MYCBP2: variants seen among roughly 807,000 people sequenced by gnomAD.
MYCBP2 encodes MYC binding protein 2, also known as E3 ubiquitin-protein ligase MYCBP2.
MYCBP2 carries 120 observed loss-of-function variants against 525.3 expected under a neutral mutation model. That is an observed-to-expected ratio of 0.23 (90% CI 0.20 to 0.27). The LOEUF (loss-of-function observed/expected upper bound fraction) is 0.27. Ranked by LOEUF, MYCBP2 falls within the 10% of genes least tolerant of loss-of-function variation. MYCBP2 has a pLI of 1.00. For synonymous variants in MYCBP2, 1,894 were observed against 1,955.8 expected, an observed-to-expected ratio of 0.97 and a Z score of 0.83; for missense variants, 4,149 against 5,657.1, an observed-to-expected ratio of 0.73 and a Z score of 8.55.
chr13:77,247,878 T>G (rs2070333466), intron 15 of MYCBP2, among the ~76,000 whole-genome samples: 1 of 151,684 alleles, frequency 6.6e-6, no homozygotes, highest in South Asian at 2.1e-4. Flanking sequence ...TAGCAGCATA[T>G]ACAAAAATTA....
intron 53 of MYCBP2, 44 bp downstream of exon 53, chr13:77,126,274 A>ACTTCT (rs1566626037): frequency 6.5e-7 from 1 of 1,535,166 alleles, no homozygotes; most frequent in Non-Finnish European, 9.0e-7. Context: ...GTATTACATT[A>ACTTCT]AAAATGAGTA....
At chr13:77,052,631 G>A (rs536137455) in intron 80 of MYCBP2, among the ~76,000 whole-genome samples, 11 of 152,082 alleles carry the variant, frequency 7.2e-5, no homozygotes, top group African/African-American at 2.4e-4. Context: ...CTTTTTTCAG[G>A]GTAAAGTTTG....
rs372770016 is a variant in MYCBP2 at position 77,088,821 on chromosome 13, T to C, written c.10725+11A>G. On this transcript the variant is annotated intron_variant, in intron 61 of 82. Transcript: ENST00000544440. Reference sequence around the variant, plus strand: ...ATCAATGAATCAGTAATTTCATTAATGTCTTCATACCTCCATAGCAAAAAC... The same window carrying C: ...ATCAATGAATCAGTAATTTCATTAACGTCTTCATACCTCCATAGCAAAAAC... 9.4e-6 allele frequency: 15 copies of C among 1,595,026 alleles called. No individual in the cohort carries two copies. The highest frequency in any genetic ancestry group is 1.1e-5 in the Non-Finnish European group (13 of 1,166,122).
At chr13:77,133,130 A>G (rs1380499290) in intron 52 of MYCBP2, among the ~76,000 whole-genome samples, 3 of 152,160 alleles carry the variant, frequency 2.0e-5, no homozygotes, top group African/African-American at 7.2e-5. Context: ...TCTCCACTAG[A>G]TTAATGCATA....
intron 1 of MYCBP2, among the ~76,000 whole-genome samples, chr13:77,301,592 T>TC (rs1244126318): frequency 1.3e-5 from 2 of 152,028 alleles, no homozygotes; most frequent in African/African-American, 2.4e-5. Flanking sequence ...AGAGCACACC[T>TC]CTCTAGGAGA....
In MYCBP2 at chr13:77,212,123, T is replaced by C; in HGVS notation, c.3095A>G (p.Tyr1032Cys). 6.2e-7 allele frequency: 1 copy of C among 1,614,116 alleles called. No homozygotes were observed. The highest frequency in any genetic ancestry group is 2.2e-5 in the East Asian group (1 of 44,854). Residue 1032 changes from tyrosine to cysteine, a missense_variant, in exon 22 of 83, where the codon TAT becomes TGT. Around this residue, in one of 21 missense-constraint regions of MYCBP2, gnomAD observed 620 missense variants for 795.5 expected, o/e 0.78. Transcript: ENST00000544440. ...QLGRPILDVP[Y>C]WNAKPAPMPN... ...CATGGGAGCTGGCTTTGCATTCCAA[T>C]ATGGCACATCCAAAATTGGTCTGCC...
intron 2 of MYCBP2, among the ~76,000 whole-genome samples, chr13:77,291,881 T>C (rs535014763): frequency 5.1e-4 from 77 of 152,340 alleles, no homozygotes; most frequent in Non-Finnish European, 7.9e-4. Flanking sequence ...GAAACCATGA[T>C]TGACCCTTGG....
chr13:77,125,247 ACT>A, intron 54 of MYCBP2, 87 bp downstream of exon 54: 1 of 1,474,636 alleles, frequency 6.8e-7, no homozygotes, highest in African/African-American at 1.4e-5. Context: ...CACACAAAAA[ACT>A]CTTTAAAACA....
chr13:77,177,681 T>C (rs2059842794), intron 35 of MYCBP2, 67 bp downstream of exon 35: 2 of 1,309,922 alleles, frequency 1.5e-6, no homozygotes, highest in Non-Finnish European at 1.1e-6. Flanking sequence ...CTGAACATAC[T>C]ATGACAATGG....
At chr13:77,061,629 C>A in intron 75 of MYCBP2, 33 bp downstream of exon 75, 1 of 1,600,106 alleles carries the variant, frequency 6.2e-7, no homozygotes, top group South Asian at 1.1e-5. Context: ...ATTCACTGAA[C>A]ATATTTTATG....
At chr13:77,295,321 A>G (rs1258217508) in intron 2 of MYCBP2, among the ~76,000 whole-genome samples, 1 of 152,070 alleles carries the variant, frequency 6.6e-6, no homozygotes, top group Non-Finnish European at 1.5e-5. Flanking sequence ...TTTCGTAGAG[A>G]CAGGGTTTCA....
At chr13:77,110,685 G>A (rs1030442949) in intron 55 of MYCBP2, among the ~76,000 whole-genome samples, 4 of 152,246 alleles carry the variant, frequency 2.6e-5, no homozygotes, top group South Asian at 2.1e-4. Flanking sequence ...TGATGTCACC[G>A]CCAGAGGCCC....
intron 20 of MYCBP2, among the ~76,000 whole-genome samples, chr13:77,221,725 T>A (rs981973991): frequency 6.6e-6 from 1 of 152,070 alleles, no homozygotes; most frequent in Non-Finnish European, 1.5e-5. Flanking sequence ...AAATAAACCC[T>A]CTTCTTCTGT....
chr13:77,207,080 T>C (rs2063434738), intron 23 of MYCBP2, among the ~76,000 whole-genome samples: 1 of 152,208 alleles, frequency 6.6e-6, no homozygotes, highest in African/African-American at 2.4e-5. Flanking sequence ...AATACTTGAC[T>C]GTATAAAGTT....
chr13:77,223,555 G>A (rs904887086), intron 20 of MYCBP2, among the ~76,000 whole-genome samples: 1 of 152,166 alleles, frequency 6.6e-6, no homozygotes, highest in Admixed American at 6.5e-5. Flanking sequence ...ACAAGTAAGA[G>A]GGACTTCAAG....
At chr13:77,267,337 A>T (rs1013002081) in intron 8 of MYCBP2, among the ~76,000 whole-genome samples, 11 of 145,134 alleles carry the variant, frequency 7.6e-5, no homozygotes, top group African/African-American at 1.9e-4. Context: ...TGATGAAATT[A>T]AAAAAAAAAA....
intron 2 of MYCBP2, among the ~76,000 whole-genome samples, chr13:77,294,880 C>A (rs2078008253): frequency 6.6e-6 from 1 of 152,174 alleles, no homozygotes; most frequent in South Asian, 2.1e-4. Flanking sequence ...GGGTGCTCAC[C>A]CACTGCCCAT....
At chr13:77,218,425 T>C (rs540235123) in intron 20 of MYCBP2, among the ~76,000 whole-genome samples, 30 of 152,298 alleles carry the variant, frequency 2.0e-4, no homozygotes, top group Admixed American at 1.0e-3. Flanking sequence ...GAATCACAGT[T>C]AATGAGTCAA....
intron 69 of MYCBP2, 104 bp downstream of exon 69, chr13:77,070,527 C>T (rs1240423181): frequency 1.7e-5 from 12 of 698,700 alleles, no homozygotes; most frequent in Non-Finnish European, 2.8e-5. Flanking sequence ...AAAGATTGGA[C>T]ATCCCTGCTT....
Sources: gnomAD v4.1 joint callset for allele counts (sites outside exome capture counted in the v4.1 genomes callset) on GRCh38, gnomAD v4.1.1 for gene constraint, gnomAD v4.1.1 regional missense constraint, MANE v1.5 for transcripts, NCBI Gene and HGNC (gene_info 2026-07-23, HGNC 2026-07-21) for gene names.